The following NTRK3 variants were observed in gnomAD, a reference collection of about 807,000 sequenced individuals.
NTRK3 encodes the protein neurotrophic receptor tyrosine kinase 3, also known as NT-3 growth factor receptor.
Under a neutral mutation model 91.7 loss-of-function variants are expected in NTRK3, and 24 were observed. The ratio of observed to expected loss-of-function variants is 0.26; its 90% CI spans 0.19 to 0.37. The LOEUF (loss-of-function observed/expected upper bound fraction) is 0.37. NTRK3 is among the 10% of genes least tolerant of loss of function. NTRK3 has a pLI of 1.00. For missense variants in NTRK3, 880 were observed against 1,068.9 expected, an observed-to-expected ratio of 0.82 and a Z score of 2.46; for synonymous variants, 483 against 404.0, an observed-to-expected ratio of 1.20 and a Z score of -2.34.
At chr15:87,954,141 G>A (rs955118060) in intron 14 of NTRK3, among the ~76,000 whole-genome samples, 25 of 151,770 alleles carry the variant, frequency 1.6e-4, no homozygotes, top group Non-Finnish European at 1.9e-4. Context: ...CACTGTGCAG[G>A]GTTCAGGCAA....
intron 13 of NTRK3, among the ~76,000 whole-genome samples, chr15:88,091,400 C>T (rs1473619731): frequency 6.6e-6 from 1 of 152,178 alleles, no homozygotes; most frequent in Non-Finnish European, 1.5e-5. Context: ...TTCAAAAATA[C>T]AAAACTCATA....
At chr15:87,917,202 G>A (rs547487021) in intron 17 of NTRK3, among the ~76,000 whole-genome samples, 7 of 152,228 alleles carry the variant, frequency 4.6e-5, no homozygotes, top group Admixed American at 2.6e-4. Flanking sequence ...TAGGATTCTC[G>A]CTAGACACAA....
intron 17 of NTRK3, among the ~76,000 whole-genome samples, chr15:87,922,209 C>T (rs1241407669): frequency 1.3e-5 from 2 of 152,236 alleles, no homozygotes; most frequent in Non-Finnish European, 2.9e-5. Flanking sequence ...CTGCCAACCA[C>T]TTGACTTTCA....
At chr15:88,142,770 C>T (rs1567516014) in intron 6 of NTRK3, among the ~76,000 whole-genome samples, 1 of 152,198 alleles carries the variant, frequency 6.6e-6, no homozygotes. Flanking sequence ...TAGTTGAGTC[C>T]TCCCAAAAGA....
chr15:87,918,716 T>C (rs1394666258), intron 17 of NTRK3, among the ~76,000 whole-genome samples: 2 of 152,216 alleles, frequency 1.3e-5, no homozygotes, highest in Non-Finnish European at 2.9e-5. Flanking sequence ...TCTTAGCACA[T>C]GGACAAGGAA....
intron 14 of NTRK3, among the ~76,000 whole-genome samples, chr15:87,943,728 A>G (rs796279783): frequency 2.0e-5 from 3 of 152,116 alleles, no homozygotes; most frequent in African/African-American, 7.2e-5. Flanking sequence ...GATTCAGACA[A>G]GCCAAGTGGG....
At chr15:87,949,103 T>C (rs975328636) in intron 14 of NTRK3, among the ~76,000 whole-genome samples, 28 of 151,970 alleles carry the variant, frequency 1.8e-4, no homozygotes, top group African/African-American at 6.0e-4. Flanking sequence ...AAACTCCCCC[T>C]GAAGCACTGC....
At chr15:88,135,066 T>A in intron 10 of NTRK3, 35 bp downstream of exon 10, 1 of 1,612,726 alleles carries the variant, frequency 6.2e-7, no homozygotes, top group Non-Finnish European at 8.5e-7. Context: ...GTAGAAAGAA[T>A]CCATACACCT....
intron 3 of NTRK3, among the ~76,000 whole-genome samples, chr15:88,221,820 CAT>C: frequency 6.6e-6 from 1 of 152,150 alleles, no homozygotes; most frequent in East Asian, 1.9e-4. Flanking sequence ...TTACAACAAA[CAT>C]AAACTAATGA....
intron 3 of NTRK3, among the ~76,000 whole-genome samples, chr15:88,217,217 G>T (rs2049860867): frequency 6.6e-6 from 1 of 152,166 alleles, no homozygotes. Flanking sequence ...GTTAAACAAA[G>T]AATTGCCATG....
intron 14 of NTRK3, among the ~76,000 whole-genome samples, chr15:88,006,042 T>G: frequency 6.6e-6 from 1 of 152,166 alleles, no homozygotes; most frequent in East Asian, 1.9e-4. Flanking sequence ...TTTCAAGAGC[T>G]TCTCACAGGA....
At chr15:87,930,860 G>A (rs1009307037) in intron 16 of NTRK3, among the ~76,000 whole-genome samples, 2 of 152,064 alleles carry the variant, frequency 1.3e-5, no homozygotes, top group Admixed American at 6.6e-5. Flanking sequence ...GAAGACTGTC[G>A]AGCCTTGATT....
chr15:88,136,675 A>G, intron 7 of NTRK3, 66 bp from the exon 8 acceptor site: 2 of 1,559,146 alleles, frequency 1.3e-6, no homozygotes, highest in Non-Finnish European at 1.7e-6. Flanking sequence ...AGCTCTGTCC[A>G]TGGGGCTGAT....
At chr15:88,068,458 C>CA (rs1009901229) in intron 13 of NTRK3, among the ~76,000 whole-genome samples, 4 of 151,962 alleles carry the variant, frequency 2.6e-5, no homozygotes, top group African/African-American at 4.8e-5. Context: ...CAAAACAAAA[C>CA]AAAAAAACAC....
At chr15:87,947,265 A>G (rs919663750) in intron 14 of NTRK3, among the ~76,000 whole-genome samples, 3 of 152,056 alleles carry the variant, frequency 2.0e-5, no homozygotes, top group Admixed American at 2.0e-4. Context: ...AACTTGCCCA[A>G]GATCCCCTAG....
intron 13 of NTRK3, among the ~76,000 whole-genome samples, chr15:88,121,369 G>C (rs1192188439): frequency 6.6e-6 from 1 of 152,174 alleles, no homozygotes; most frequent in Non-Finnish European, 1.5e-5. Flanking sequence ...AAAGAGGTTG[G>C]AGCTAAAACT....
chr15:87,942,832 T>A (rs981932549), intron 14 of NTRK3, among the ~76,000 whole-genome samples: 1 of 152,212 alleles, frequency 6.6e-6, no homozygotes, highest in African/African-American at 2.4e-5. Context: ...CTCCAAAATG[T>A]AGGCTGTGTT....
intron 13 of NTRK3, 46 bp downstream of exon 13, chr15:88,126,225 A>C: frequency 7.4e-7 from 1 of 1,345,984 alleles, no homozygotes; most frequent in South Asian, 1.2e-5. Flanking sequence ...CAAAAGCAGT[A>C]ATGTTTCCCC....
At chr15:88,162,963 G>A (rs1473603355) in intron 5 of NTRK3, among the ~76,000 whole-genome samples, 1 of 152,146 alleles carries the variant, frequency 6.6e-6, no homozygotes, top group Non-Finnish European at 1.5e-5. Flanking sequence ...AACATTAGCT[G>A]CAAAAGAGTG....
Sources: allele counts gnomAD v4.1 joint callset (sites outside exome capture counted in the v4.1 genomes callset), GRCh38; gene constraint gnomAD v4.1.1; transcripts MANE v1.5; gene names NCBI Gene and HGNC (gene_info 2026-07-23, HGNC 2026-07-21).